MTBP: variants seen among roughly 807,000 people sequenced by gnomAD.
The protein encoded by MTBP is MDM2 binding protein.
In MTBP, 101 loss-of-function variants were observed where a neutral mutation model predicts 117.0. The ratio of observed to expected loss-of-function variants is 0.86; its 90% CI spans 0.73 to 1.02. The LOEUF is 1.02. Ranked by LOEUF, MTBP falls within the 50% of genes least tolerant of loss-of-function variation. The pLI is 0.00. For synonymous variants in MTBP, 350 were observed against 351.5 expected (o/e 1.00, Z 0.05); for missense variants, 970 against 1,030.9 (o/e 0.94, Z 0.81).
chr8:120,448,426 A>ATC (rs1563781463), intron 2 of MTBP, among the ~76,000 whole-genome samples: 2 of 152,000 alleles, frequency 1.3e-5, no homozygotes, highest in Non-Finnish European at 2.9e-5. Flanking sequence ...GTGTTTCTTT[A>ATC]TCTCTCTCTT....
chr8:120,457,775 T>G (rs1208818643), intron 7 of MTBP, among the ~76,000 whole-genome samples: 1 of 151,786 alleles, frequency 6.6e-6, no homozygotes, highest in East Asian at 1.9e-4. Context: ...ATGTAAAAAA[T>G]TAGCCGGGCG....
At chr8:120,485,992 C>G (rs1252994601) in intron 11 of MTBP, among the ~76,000 whole-genome samples, 1 of 152,146 alleles carries the variant, frequency 6.6e-6, no homozygotes, top group Non-Finnish European at 1.5e-5. Flanking sequence ...CTTTATACCT[C>G]ACTAATTGCC....
intron 11 of MTBP, among the ~76,000 whole-genome samples, chr8:120,479,476 A>G (rs1162253062): frequency 6.6e-6 from 1 of 152,234 alleles, no homozygotes; most frequent in African/African-American, 2.4e-5. Flanking sequence ...CTAGGAATAC[A>G]GTGGTAAACC....
chr8:120,523,460 T>C lies in MTBP; in HGVS notation c.*124T>C, dbSNP rs1815037941. ...ATTCAAAGAATAGATGTTATATTTC[T>C]AAAGAATTTCATGAATATATATTCT... is the stretch of plus-strand genomic sequence containing the variant. On this transcript the variant is annotated 3_prime_UTR_variant, in exon 22 of 22. Transcript: ENST00000305949. The C allele has an allele frequency of 3.3e-5, 17 of 515,288 alleles. No individual in the cohort carries two copies. The South Asian group carries it at 7.5e-4, about 23-fold the overall frequency. The allele number at this position is 515,288 out of a possible 1,614,324, so 31.9% of individuals were successfully genotyped here.
At chr8:120,517,191 T>C (rs1814934507) in intron 18 of MTBP, among the ~76,000 whole-genome samples, 1 of 152,006 alleles carries the variant, frequency 6.6e-6, no homozygotes, top group South Asian at 2.1e-4. Flanking sequence ...TTTAGGAAGA[T>C]TGAAGTATGA....
rs757328163 is a variant in MTBP, at chr8:120,516,010, A to T, written c.2065A>T (p.Thr689Ser). Residue 689 changes from threonine (T) to serine (S), a missense_variant, in exon 18 of 22, where the codon ACT becomes TCT. Coordinates refer to ENST00000305949, the MANE Select transcript of MTBP (RefSeq NM_022045.5). Reference sequence around the variant, plus strand: ...TCGTCTTATTCGTTATGAAACTCAAACTACCTGCACCAGAGAAAGTTTTCC... The same window carrying T: ...TCGTCTTATTCGTTATGAAACTCAATCTACCTGCACCAGAGAAAGTTTTCC... ...QSRLIRYETQ[T>S]TCTRESFPVP... 1 of 1,613,088 alleles carries T rather than the reference A, an allele frequency of 6.2e-7. No homozygotes were observed. Among genetic ancestry groups the T allele is most frequent in the Non-Finnish European group, 8.5e-7 (1 of 1,179,278 alleles).
intron 5 of MTBP, among the ~76,000 whole-genome samples, chr8:120,454,522 A>G (rs1813428380): frequency 6.6e-6 from 1 of 152,040 alleles, no homozygotes; most frequent in African/African-American, 2.4e-5. Flanking sequence ...AATACTTTGA[A>G]GAGTATTCTT....
intron 7 of MTBP, among the ~76,000 whole-genome samples, chr8:120,457,045 C>T (rs557940387): frequency 7.3e-4 from 111 of 152,134 alleles, no homozygotes; most frequent in Middle Eastern, 6.8e-3. Context: ...TATTTTATTG[C>T]ATGTGTAAAC....
At chr8:120,446,637 G>GA in intron 2 of MTBP, 124 bp downstream of exon 2, 1 of 634,150 alleles carries the variant, frequency 1.6e-6, no homozygotes, top group East Asian at 2.5e-5. Context: ...CTGAGTTACA[G>GA]AGATAACTAA....
At chr8:120,507,878 A>T (rs933782979) in intron 16 of MTBP, among the ~76,000 whole-genome samples, 7 of 152,142 alleles carry the variant, frequency 4.6e-5, no homozygotes, top group Non-Finnish European at 1.5e-5. Context: ...ACATGTTTTC[A>T]TCTATTTAGT....
intron 19 of MTBP, 106 bp downstream of exon 19, chr8:120,518,206 T>C: frequency 1.6e-6 from 2 of 1,268,208 alleles, no homozygotes; most frequent in Admixed American, 2.7e-5. Context: ...AATGAAACGA[T>C]GTCTAGAATT....
At chr8:120,445,804 C>A (rs1407937991) in intron 1 of MTBP, among the ~76,000 whole-genome samples, 1 of 152,120 alleles carries the variant, frequency 6.6e-6, no homozygotes, top group Non-Finnish European at 1.5e-5. Flanking sequence ...CTTAGAAGTT[C>A]TTGGCATAGT....
chr8:120,470,032 A>G (rs557091521), intron 10 of MTBP, among the ~76,000 whole-genome samples: 35 of 152,318 alleles, frequency 2.3e-4, no homozygotes, highest in African/African-American at 8.2e-4. Context: ...AATTTTCCCA[A>G]AGTTTTAAAA....
chr8:120,478,687 G>A (rs915633863), intron 11 of MTBP, among the ~76,000 whole-genome samples: 2 of 152,182 alleles, frequency 1.3e-5, no homozygotes, highest in Admixed American at 6.5e-5. Flanking sequence ...CTGATAAAAT[G>A]TTTTGAAATG....
At chr8:120,504,246 A>G (rs1045954591) in intron 15 of MTBP, among the ~76,000 whole-genome samples, 1 of 152,180 alleles carries the variant, frequency 6.6e-6, no homozygotes, top group Non-Finnish European at 1.5e-5. Flanking sequence ...GAGAACCTCA[A>G]TTTCTTGCCT....
rs748215800 is a variant in MTBP, at chr8:120,510,006, A to T, written c.1956A>T (p.Ser652=). 1 of 1,611,576 alleles carries T rather than the reference A, an allele frequency of 6.2e-7. No individual in the cohort carries two copies. The highest frequency in any genetic ancestry group is 8.5e-7 in the Non-Finnish European group (1 of 1,178,470). ...AGGTCTTACCTTTTGAGAAAGCCTCAGTATGTCATTATCATGGAATTGAGT... is the reference window on the plus strand; with the variant it reads ...AGGTCTTACCTTTTGAGAAAGCCTCTGTATGTCATTATCATGGAATTGAGT... ...KLQVLPFEKA[S]VCHYHGIEYC... Residue 652 remains serine, a synonymous_variant, in exon 17 of 22, where the codon TCA becomes TCT. Coordinates refer to ENST00000305949, the MANE Select transcript of MTBP (RefSeq NM_022045.5).
chr8:120,493,700 A>G lies in MTBP; in HGVS notation c.1447+3130A>G, dbSNP rs1208545743. On this transcript the variant is annotated intron_variant, in intron 13 of 21. Coordinates refer to ENST00000305949, the MANE Select transcript of MTBP (RefSeq NM_022045.5). ...GAGATGAAGTTTCTTCATGTTGGCC[A>G]GGCTGGTCTCGAACTCTGGACCTCA... Among the ~76,000 whole-genome samples the G allele has an allele frequency of 2.6e-5, 4 of 152,262 alleles. No homozygotes were observed. In the East Asian group the frequency reaches 7.7e-4, roughly 29 times the overall value.
chr8:120,508,174 C>G (rs1814729231), intron 16 of MTBP, among the ~76,000 whole-genome samples: 2 of 152,096 alleles, frequency 1.3e-5, no homozygotes, highest in Non-Finnish European at 2.9e-5. Flanking sequence ...AATCAGGAAC[C>G]TATATGCTCT....
Position 120,459,245 on chromosome 8 carries a change from T to A in MTBP, c.778T>A (p.Cys260Ser), listed in dbSNP as rs1563786287. 6.2e-7 allele frequency: 1 copy of A among 1,609,542 alleles called. No individual in the cohort carries two copies. The highest frequency in any genetic ancestry group is 2.2e-5 in the East Asian group (1 of 44,656). The change falls in exon 8 of 22, where the codon TGT becomes AGT. Residue 260 changes from cysteine (C) to serine (S), a missense_variant. Coordinates refer to ENST00000305949, the MANE Select transcript of MTBP (RefSeq NM_022045.5). The stretch of plus-strand genomic sequence containing the variant: ...ATTTGAAATTAGTTTTCCTGAATTT[T>A]GTTTAAAGGGAGTCACACTTAAGAA... Reference protein sequence around the residue: ...FGFEISFPEFCLKGVTLKNFS... With the variant: ...FGFEISFPEFSLKGVTLKNFS...
Sources: allele counts gnomAD v4.1 joint callset (sites outside exome capture counted in the v4.1 genomes callset), GRCh38; gene constraint gnomAD v4.1.1; transcripts MANE v1.5; gene names NCBI Gene and HGNC (gene_info 2026-07-23, HGNC 2026-07-21).